The following UBE3C variants were observed in gnomAD, a reference collection of about 807,000 sequenced individuals.
The protein encoded by UBE3C is ubiquitin-protein ligase E3C.
In UBE3C, 42 loss-of-function variants were observed where a neutral mutation model predicts 129.4. The ratio of observed to expected loss-of-function variants is 0.32; its 90% CI spans 0.25 to 0.42. The LOEUF (loss-of-function observed/expected upper bound fraction) is 0.42. Among genes scored for constraint, UBE3C ranks in the 10% least tolerant of loss-of-function variants. The pLI is 1.00. For synonymous variants in UBE3C, 510 were observed against 492.4 expected (o/e 1.04, Z -0.47); for missense variants, 1,049 against 1,319.1 (o/e 0.80, Z 3.17).
intron 10 of UBE3C, among the ~76,000 whole-genome samples, chr7:157,193,353 C>T (rs1185911970): frequency 1.3e-5 from 2 of 152,044 alleles, no homozygotes; most frequent in African/African-American, 2.4e-5. Context: ...TTGGGTGTCT[C>T]GCTGTTTCTT....
chr7:157,220,748 G>A lies in UBE3C; in HGVS notation c.1974G>A (p.Arg658=). ...TGTGGAGGTTCCGGCGGATGGGGAGGATAGGCCCGCTGCAGTCCACCCTGG... is the reference window on the plus strand; with the variant it reads ...TGTGGAGGTTCCGGCGGATGGGGAGAATAGGCCCGCTGCAGTCCACCCTGG... The part of the protein sequence containing the change: ...RHVWRFRRMG[R]IGPLQSTLDV... The change falls in exon 15 of 23, where the codon AGG becomes AGA. Residue 658 remains arginine, a synonymous_variant. Transcript: ENST00000348165. 6.2e-7 allele frequency: 1 copy of A among 1,614,166 alleles called. No homozygotes were observed. Among genetic ancestry groups the A allele is most frequent in the Non-Finnish European group, 8.5e-7 (1 of 1,179,998 alleles).
chr7:157,186,069 A>G (rs1452613320), intron 9 of UBE3C, among the ~76,000 whole-genome samples: 3 of 152,188 alleles, frequency 2.0e-5, no homozygotes, highest in Non-Finnish European at 2.9e-5. Context: ...ATATTCAGTG[A>G]ATCAAATCTT....
chr7:157,225,594 T>G, intron 17 of UBE3C, 55 bp downstream of exon 17: 2 of 1,494,078 alleles, frequency 1.3e-6, no homozygotes, highest in Non-Finnish European at 1.8e-6. Context: ...GGGAATTGTT[T>G]TAGAAAATGG....
At chr7:157,226,744 A>G (rs1329680819) in intron 17 of UBE3C, among the ~76,000 whole-genome samples, 2 of 141,866 alleles carry the variant, frequency 1.4e-5, no homozygotes, top group Admixed American at 1.4e-4. Flanking sequence ...TACACAATTT[A>G]CCGTTGCCAT....
rs112839656 is a variant in UBE3C, at chr7:157,267,689, C to T, written c.3186C>T (p.Asp1062=). The T allele has an allele frequency of 5.5e-5, 89 of 1,613,550 alleles. No homozygotes were observed. In the African/African-American group the frequency reaches 8.8e-4, roughly 16 times the overall value. ...MNLLKLPEFY[D]ETLLRSKLLY... is the part of the protein sequence containing the mutation. Reference sequence around the variant, plus strand: ...TGCTGAAGCTCCCCGAGTTCTATGACGAGACACTTTTGCGAAGTAAACTTC... The same window carrying T: ...TGCTGAAGCTCCCCGAGTTCTATGATGAGACACTTTTGCGAAGTAAACTTC... Residue 1062 remains aspartate (D), a synonymous_variant, in exon 23 of 23, where the codon GAC becomes GAT. Coordinates refer to ENST00000348165, the MANE Select transcript of UBE3C (RefSeq NM_014671.3).
chr7:157,171,136 C>A (rs1468803879), intron 4 of UBE3C, among the ~76,000 whole-genome samples: 1 of 151,910 alleles, frequency 6.6e-6, no homozygotes, highest in Non-Finnish European at 1.5e-5. Context: ...GTGGGGAGGG[C>A]ACTGAGGGAG....
intron 1 of UBE3C, among the ~76,000 whole-genome samples, chr7:157,156,041 A>G (rs991076844): frequency 1.3e-5 from 2 of 152,188 alleles, no homozygotes; most frequent in Non-Finnish European, 2.9e-5. Context: ...TTGTTAATCA[A>G]TAGGAAGTTC....
intron 5 of UBE3C, among the ~76,000 whole-genome samples, chr7:157,176,388 C>G (rs1286668229): frequency 6.6e-6 from 1 of 152,232 alleles, no homozygotes; most frequent in Admixed American, 6.5e-5. Context: ...AGTTCTCCTG[C>G]TTCAGCCTCT....
chr7:157,242,974 G>C (rs955223999), intron 18 of UBE3C, among the ~76,000 whole-genome samples: 9 of 152,026 alleles, frequency 5.9e-5, no homozygotes, highest in Admixed American at 5.9e-4. Flanking sequence ...AAAATCGCTT[G>C]AAACCGGAAG....
At chr7:157,176,055 AAC>A (rs1214877523) in intron 5 of UBE3C, among the ~76,000 whole-genome samples, 3 of 152,230 alleles carry the variant, frequency 2.0e-5, no homozygotes, top group African/African-American at 7.2e-5. Flanking sequence ...TAGTTTGCAA[AAC>A]ACCTTTAACG....
intron 18 of UBE3C, among the ~76,000 whole-genome samples, chr7:157,244,952 A>G (rs1190979728): frequency 1.3e-5 from 2 of 152,228 alleles, no homozygotes; most frequent in Non-Finnish European, 2.9e-5. Context: ...TAAGTGGATT[A>G]TTTTGCATAA....
intron 18 of UBE3C, among the ~76,000 whole-genome samples, chr7:157,234,214 T>C (rs1796095529): frequency 6.6e-6 from 1 of 152,210 alleles, no homozygotes; most frequent in Non-Finnish European, 1.5e-5. Context: ...TTTTTTTCTT[T>C]TATTGCTTGT....
At chr7:157,142,523 G>A (rs1807482298) in intron 1 of UBE3C, among the ~76,000 whole-genome samples, 1 of 152,186 alleles carries the variant, frequency 6.6e-6, no homozygotes, top group Admixed American at 6.5e-5. Context: ...CCTGAAGGAT[G>A]GGTGTAATTA....
chr7:157,208,601 T>C (rs576410532), intron 13 of UBE3C, among the ~76,000 whole-genome samples: 1 of 152,354 alleles, frequency 6.6e-6, no homozygotes, highest in Non-Finnish European at 1.5e-5. Flanking sequence ...TAAATATTTC[T>C]TAGATTTTAT....
rs115193346 is a variant in UBE3C, at chr7:157,244,828, G to A, written c.2482-3540G>A. On this transcript the variant is annotated intron_variant, in intron 18 of 22. Coordinates refer to ENST00000348165, the MANE Select transcript of UBE3C (RefSeq NM_014671.3). ...TAAAAGACAGACAGTTGAAAAATTC[G>A]TTACAGGTCTTTTCCATATACCTAT... 3.4e-3 allele frequency among the ~76,000 whole-genome samples: 520 copies of A among 152,186 alleles called. 2 individuals are homozygous for A. Among genetic ancestry groups the A allele is most frequent in the African/African-American group, 0.011 (477 of 41,530 alleles).
At chr7:157,185,063 A>G (rs767906997) in intron 9 of UBE3C, among the ~76,000 whole-genome samples, 3 of 152,246 alleles carry the variant, frequency 2.0e-5, no homozygotes, top group Non-Finnish European at 4.4e-5. Context: ...TGGAATGTAG[A>G]TAAATTTTTG....
At chr7:157,211,723 TAG>T (rs1809601132) in intron 13 of UBE3C, among the ~76,000 whole-genome samples, 1 of 151,976 alleles carries the variant, frequency 6.6e-6, no homozygotes, top group Admixed American at 6.6e-5. Flanking sequence ...TTTCATAGGT[TAG>T]AGTGTTTTAT....
At chr7:157,156,423 C>T (rs754829206) in intron 1 of UBE3C, among the ~76,000 whole-genome samples, 1 of 150,226 alleles carries the variant, frequency 6.7e-6, no homozygotes, top group Non-Finnish European at 1.5e-5. Context: ...TCTTGTGCCT[C>T]AGCCTTTCAA....
rs1158389426 is a variant in UBE3C, at chr7:157,257,063, A to G, written c.3081+19A>G. On this transcript the variant is annotated intron_variant, in intron 22 of 22. Coordinates refer to ENST00000348165, the MANE Select transcript of UBE3C (RefSeq NM_014671.3). ...GTTTAAGGTACACAACTTTCATGAC[A>G]TTTGCTTTAAAGACCACTTCATAAT... 1 of 1,613,398 alleles carries G rather than the reference A, an allele frequency of 6.2e-7. No individual in the cohort carries two copies. The highest frequency in any genetic ancestry group is 8.5e-7 in the Non-Finnish European group (1 of 1,179,700).
Sources: gnomAD v4.1 joint callset for allele counts (sites outside exome capture counted in the v4.1 genomes callset) on GRCh38, gnomAD v4.1.1 for gene constraint, MANE v1.5 for transcripts, NCBI Gene and HGNC (gene_info 2026-07-23, HGNC 2026-07-21) for gene names.